Variants in WWOX observed in about 807,000 individuals in gnomAD.
WWOX encodes the protein WW domain containing oxidoreductase.
WWOX carries 69 observed loss-of-function variants against 46.2 expected under a neutral mutation model. The observed-to-expected ratio is 1.49, with a 90% confidence interval of 1.23 to 1.82. The LOEUF (loss-of-function observed/expected upper bound fraction) is 1.82, where lower values mean the gene tolerates loss of function less well. Among genes scored for constraint, WWOX ranks in the 40% most tolerant of loss-of-function variants. The pLI, the probability that WWOX is intolerant of heterozygous loss-of-function variation, is 0.00. For synonymous variants in WWOX, 359 were observed against 202.6 expected (o/e 1.77, Z -6.56); for missense variants, 919 against 542.6 (o/e 1.69, Z -6.89).
intron 1 of WWOX, among the ~76,000 whole-genome samples, chr16:78,107,351 A>G (rs2151664174): frequency 6.6e-6 from 1 of 152,290 alleles, no homozygotes; most frequent in South Asian, 2.1e-4. Flanking sequence ...TGAAATGTTA[A>G]GTTTGACGCA....
intron 8 of WWOX, among the ~76,000 whole-genome samples, chr16:78,616,069 A>C (rs1423098626): frequency 6.6e-6 from 1 of 152,022 alleles, no homozygotes; most frequent in South Asian, 2.1e-4. Flanking sequence ...TTTAAGAAGA[A>C]GATAACATTA....
chr16:78,116,706 C>T (rs2032810292), intron 4 of WWOX, among the ~76,000 whole-genome samples: 1 of 152,110 alleles, frequency 6.6e-6, no homozygotes, highest in African/African-American at 2.4e-5. Context: ...ACAGTGAATG[C>T]ATGGACCCAT....
chr16:78,363,783 C>T (rs1403239593), intron 5 of WWOX, among the ~76,000 whole-genome samples: 1 of 152,188 alleles, frequency 6.6e-6, no homozygotes, highest in Non-Finnish European at 1.5e-5. Flanking sequence ...CAAACCCCTC[C>T]AGCTTACAGC....
chr16:78,691,726 A>G (rs2047992648), intron 8 of WWOX, among the ~76,000 whole-genome samples: 1 of 152,022 alleles, frequency 6.6e-6, no homozygotes, highest in Non-Finnish European at 1.5e-5. Flanking sequence ...AAAAAATAAT[A>G]AAGCACTGTC....
chr16:78,576,298 AC>A, intron 8 of WWOX, among the ~76,000 whole-genome samples: 1 of 152,354 alleles, frequency 6.6e-6, no homozygotes, highest in South Asian at 2.1e-4. Context: ...TTCAGAACTC[AC>A]AAAATGTCCA....
At chr16:78,797,005 TA>T (rs1280986308) in intron 8 of WWOX, among the ~76,000 whole-genome samples, 1 of 152,020 alleles carries the variant, frequency 6.6e-6, no homozygotes, top group African/African-American at 2.4e-5. Flanking sequence ...TTTGTATTTT[TA>T]GTAGTGCCGG....
At chr16:78,115,372 C>G (rs556155060) in intron 4 of WWOX, among the ~76,000 whole-genome samples, 1 of 152,288 alleles carries the variant, frequency 6.6e-6, no homozygotes, top group Non-Finnish European at 1.5e-5. Flanking sequence ...AAGCTGAACA[C>G]TCAGCAAAAG....
At chr16:78,423,138 G>C (rs143041556) in intron 6 of WWOX, among the ~76,000 whole-genome samples, 80 of 152,178 alleles carry the variant, frequency 5.3e-4, no homozygotes, top group African/African-American at 1.9e-3. Flanking sequence ...GCCTGCCTCA[G>C]CCTCCCAAAG....
intron 8 of WWOX, among the ~76,000 whole-genome samples, chr16:78,820,676 G>A (rs1250774351): frequency 6.6e-6 from 1 of 152,148 alleles, no homozygotes; most frequent in Non-Finnish European, 1.5e-5. Context: ...CATGCCACGT[G>A]TATGTGTTTC....
rs1022514829 is a variant in WWOX at position 78,922,721 on chromosome 16, G to C, written c.1057-288887G>C. The stretch of plus-strand genomic sequence containing the variant: ...ATTTGGAAAGGATTTTATAAGAAAG[G>C]ATTCCAACTTTCCCATTTACAGAGA... On this transcript the variant is annotated intron_variant, in intron 8 of 8. Transcript: ENST00000566780. Among the ~76,000 whole-genome samples the C allele has an allele frequency of 3.9e-5, 6 of 152,024 alleles. No homozygotes were observed. In the East Asian group the frequency reaches 5.8e-4, roughly 15 times the overall value.
At chr16:78,681,273 C>T (rs1013225735) in intron 8 of WWOX, among the ~76,000 whole-genome samples, 3 of 152,202 alleles carry the variant, frequency 2.0e-5, no homozygotes, top group African/African-American at 4.8e-5. Context: ...GACGTGGTGG[C>T]ATGTGCCTAT....
At chr16:78,413,346 G>A (rs988990856) in intron 6 of WWOX, among the ~76,000 whole-genome samples, 2 of 152,196 alleles carry the variant, frequency 1.3e-5, no homozygotes, top group Non-Finnish European at 2.9e-5. Flanking sequence ...TCACCTGGGT[G>A]CAGGTGGGCT....
intron 4 of WWOX, among the ~76,000 whole-genome samples, chr16:78,128,771 C>G (rs868717904): frequency 7.2e-5 from 11 of 152,282 alleles, no homozygotes; most frequent in Non-Finnish European, 1.6e-4. Context: ...CTTTTTGTAT[C>G]TTGCAATATA....
chr16:78,992,246 T>C (rs560951220), intron 8 of WWOX, among the ~76,000 whole-genome samples: 1 of 152,280 alleles, frequency 6.6e-6, no homozygotes, highest in South Asian at 2.1e-4. Context: ...ACCCCTTCTG[T>C]AAGACCAACT....
At chr16:79,008,532 G>A (rs912832527) in intron 8 of WWOX, among the ~76,000 whole-genome samples, 7 of 152,126 alleles carry the variant, frequency 4.6e-5, no homozygotes, top group Admixed American at 1.3e-4. Context: ...AGTCTTGGGG[G>A]CCATCTTGAA....
chr16:78,111,698 A>G (rs556192069), intron 3 of WWOX: 14 of 154,000 alleles, frequency 9.1e-5, no homozygotes, highest in South Asian at 3.8e-4. Context: ...CTGTGTTTCA[A>G]TGGTCACGTA....
At chr16:78,494,286 C>T (rs1030722767) in intron 8 of WWOX, among the ~76,000 whole-genome samples, 2 of 152,174 alleles carry the variant, frequency 1.3e-5, no homozygotes, top group Admixed American at 6.5e-5. Context: ...GCCCCCTATG[C>T]AGCACACACC....
At chr16:78,769,306 A>G (rs1331963482) in intron 8 of WWOX, among the ~76,000 whole-genome samples, 4 of 152,096 alleles carry the variant, frequency 2.6e-5, no homozygotes, top group African/African-American at 7.2e-5. Flanking sequence ...CCATCCATCC[A>G]TCCATCCTGC....
intron 8 of WWOX, among the ~76,000 whole-genome samples, chr16:78,784,473 C>T (rs927173025): frequency 6.6e-6 from 1 of 151,928 alleles, no homozygotes; most frequent in Non-Finnish European, 1.5e-5. Flanking sequence ...TATTAATATA[C>T]TAGATAAGAG....
Sources: gnomAD v4.1 joint callset for allele counts (sites outside exome capture counted in the v4.1 genomes callset) on GRCh38, gnomAD v4.1.1 for gene constraint, MANE v1.5 for transcripts, NCBI Gene and HGNC (gene_info 2026-07-23, HGNC 2026-07-21) for gene names.